PTPRG: variants seen among roughly 807,000 people sequenced by gnomAD.
The protein encoded by PTPRG is protein tyrosine phosphatase receptor type G, also known as receptor-type tyrosine-protein phosphatase gamma.
PTPRG carries 102 observed loss-of-function variants against 165.3 expected under a neutral mutation model. The ratio of observed to expected loss-of-function variants is 0.62; its 90% CI spans 0.53 to 0.73. The LOEUF is 0.73. Ranked by LOEUF, PTPRG falls within the 30% of genes least tolerant of loss-of-function variation. The probability of loss-of-function intolerance (pLI) is 0.00; values close to 1 mark genes in which losing one functional copy is unlikely to be tolerated. For synonymous variants in PTPRG, 675 were observed against 669.5 expected, an observed-to-expected ratio of 1.01 and a Z score of -0.13; for missense variants, 1,866 against 1,861.4, an observed-to-expected ratio of 1.00 and a Z score of -0.05.
intron 2 of PTPRG, among the ~76,000 whole-genome samples, chr3:61,950,249 T>C (rs981436700): frequency 2.0e-5 from 3 of 152,210 alleles, no homozygotes; most frequent in Non-Finnish European, 4.4e-5. Context: ...CTCTCCCCCA[T>C]CTGACTTTCT....
chr3:61,751,434 A>T (rs2033426074), intron 2 of PTPRG, among the ~76,000 whole-genome samples: 1 of 152,134 alleles, frequency 6.6e-6, no homozygotes, highest in Non-Finnish European at 1.5e-5. Flanking sequence ...TTCCTCAAAG[A>T]TTGCTTTAAT....
intron 2 of PTPRG, among the ~76,000 whole-genome samples, chr3:61,868,090 C>G (rs1198893397): frequency 1.3e-5 from 2 of 152,128 alleles, no homozygotes; most frequent in African/African-American, 4.8e-5. Flanking sequence ...CCCACATTCT[C>G]CCTTAAACAC....
intron 2 of PTPRG, among the ~76,000 whole-genome samples, chr3:61,774,822 TG>T (rs1277784503): frequency 6.6e-6 from 1 of 152,150 alleles, no homozygotes; most frequent in East Asian, 1.9e-4. Context: ...AACACAGCCT[TG>T]AAAAGGTTAT....
Position 62,275,892 on chromosome 3 carries a change from C to T in PTPRG, c.3485C>T (p.Ala1162Val). Residue 1162 changes from alanine to valine, a missense_variant, in exon 24 of 30, where the codon GCA becomes GTA. Physicochemically the swap from Ala to Val is moderately conservative, Grantham distance 64. Transcript: ENST00000474889. ...TTTCAGCTGGTCACACAGTGTAATG[C>T]AAAATATGTGGAATGTTTCAGTGCT... ...KQFKLVTQCNAKYVECFSAQK... is the reference protein window; with the variant it reads ...KQFKLVTQCNVKYVECFSAQK... The T allele has an allele frequency of 1.2e-6, 2 of 1,609,816 alleles. No individual in the cohort carries two copies. Among genetic ancestry groups the T allele is most frequent in the Non-Finnish European group, 1.7e-6 (2 of 1,177,438 alleles).
chr3:61,920,549 C>T (rs909855204), intron 2 of PTPRG, among the ~76,000 whole-genome samples: 5 of 152,198 alleles, frequency 3.3e-5, no homozygotes, highest in Non-Finnish European at 7.3e-5. Flanking sequence ...GCTTGCACCA[C>T]CACCCCCAGC....
At chr3:61,937,561 G>A (rs2039510676) in intron 2 of PTPRG, among the ~76,000 whole-genome samples, 2 of 152,178 alleles carry the variant, frequency 1.3e-5, no homozygotes, top group East Asian at 1.9e-4. Context: ...TAAAAATAAT[G>A]TAAAACCAAC....
chr3:62,061,419 G>A (rs938262667), intron 4 of PTPRG, among the ~76,000 whole-genome samples: 3 of 152,088 alleles, frequency 2.0e-5, no homozygotes, highest in Non-Finnish European at 2.9e-5. Context: ...CACCATCTCC[G>A]GTAGACTTTT....
intron 4 of PTPRG, among the ~76,000 whole-genome samples, chr3:62,047,702 G>A (rs1252434690): frequency 6.6e-6 from 1 of 152,158 alleles, no homozygotes; most frequent in Non-Finnish European, 1.5e-5. Context: ...CTCATTTAAT[G>A]CTGGATGTCA....
Position 62,190,068 on chromosome 3 carries a change from C to G in PTPRG, c.1034-1401C>G, listed in dbSNP as rs990934809. Among the ~76,000 whole-genome samples, 4 of 152,240 alleles carry G rather than the reference C, an allele frequency of 2.6e-5. No individual in the cohort carries two copies. Among genetic ancestry groups the G allele is most frequent in the Non-Finnish European group, 4.4e-5 (3 of 68,052 alleles). On this transcript the variant is annotated intron_variant, in intron 8 of 29. Coordinates refer to ENST00000474889, the MANE Select transcript of PTPRG (RefSeq NM_002841.4). This position sits in a 1 kb window ranked among gnomAD's most constrained non-coding sequence, Gnocchi z 5.2. ...TTCCTCTCCCTCCTCTCCCTCCATCCTGTCCTGGCGTGCAGTGATGGCTCT... is the reference window on the plus strand; with the variant it reads ...TTCCTCTCCCTCCTCTCCCTCCATCGTGTCCTGGCGTGCAGTGATGGCTCT...
intron 8 of PTPRG, among the ~76,000 whole-genome samples, chr3:62,186,201 G>A (rs1705877303): frequency 6.6e-6 from 1 of 152,150 alleles, no homozygotes; most frequent in Non-Finnish European, 1.5e-5. Context: ...GAAGGCATGA[G>A]TTAAAGACCA....
chr3:62,012,832 C>T (rs951732161), intron 4 of PTPRG, among the ~76,000 whole-genome samples: 2 of 152,090 alleles, frequency 1.3e-5, no homozygotes, highest in Non-Finnish European at 2.9e-5. Context: ...ATGGCTGAAC[C>T]TGTAGTAAAA....
At chr3:62,097,787 A>G (rs1319627309) in intron 5 of PTPRG, among the ~76,000 whole-genome samples, 1 of 152,202 alleles carries the variant, frequency 6.6e-6, no homozygotes, top group African/African-American at 2.4e-5. Context: ...ATTTGTTTTT[A>G]GGAATATTTT....
intron 5 of PTPRG, among the ~76,000 whole-genome samples, chr3:62,090,906 C>G (rs1701905628): frequency 6.6e-6 from 1 of 152,090 alleles, no homozygotes. Context: ...TTCCTTTGGA[C>G]AAATCTATTC....
chr3:61,995,407 T>C (rs1194348878), intron 3 of PTPRG, among the ~76,000 whole-genome samples: 2 of 152,208 alleles, frequency 1.3e-5, no homozygotes, highest in Admixed American at 6.5e-5. Context: ...AGGTTTTCAA[T>C]AGCAATCTTC....
At chr3:61,611,760 A>G (rs1010235383) in intron 1 of PTPRG, among the ~76,000 whole-genome samples, 1 of 152,050 alleles carries the variant, frequency 6.6e-6, no homozygotes, top group South Asian at 2.1e-4. Context: ...ATGAATGGGT[A>G]TGGTAGTGTT....
chr3:62,277,180 C>T (rs955198563), intron 25 of PTPRG, 132 bp downstream of exon 25: 2 of 734,032 alleles, frequency 2.7e-6, no homozygotes, highest in African/African-American at 1.8e-5. Flanking sequence ...ATAGAGATTT[C>T]TGTATCTTGA....
intron 2 of PTPRG, among the ~76,000 whole-genome samples, chr3:61,814,009 T>G (rs2035679018): frequency 6.6e-6 from 1 of 151,988 alleles, no homozygotes; most frequent in South Asian, 2.1e-4. Flanking sequence ...CAAGCGATTT[T>G]CCTGCCTCAG....
At chr3:61,977,595 CTT>C (rs11302623) in intron 2 of PTPRG, among the ~76,000 whole-genome samples, 1 of 150,958 alleles carries the variant, frequency 6.6e-6, no homozygotes, top group East Asian at 1.9e-4. Context: ...CTGCAACTAG[CTT>C]TTTTTTTCAC....
At chr3:61,582,421 C>G (rs961180578) in intron 1 of PTPRG, among the ~76,000 whole-genome samples, 2 of 152,126 alleles carry the variant, frequency 1.3e-5, no homozygotes, top group Non-Finnish European at 2.9e-5. Context: ...CTTTTTCGTC[C>G]TGGCACAACT....
Sources: allele counts gnomAD v4.1 joint callset (sites outside exome capture counted in the v4.1 genomes callset), GRCh38; gene constraint gnomAD v4.1.1; non-coding constraint Gnocchi (gnomAD v3.1); transcripts MANE v1.5; gene names NCBI Gene and HGNC (gene_info 2026-07-23, HGNC 2026-07-21).